Variants in CATSPERD observed in about 807,000 individuals in gnomAD.
CATSPERD encodes the protein catsper channel auxiliary subunit delta.
Under a neutral mutation model 98.1 loss-of-function variants are expected in CATSPERD, and 86 were observed. The ratio of observed to expected loss-of-function variants is 0.88; its 90% CI spans 0.74 to 1.05. The LOEUF (loss-of-function observed/expected upper bound fraction) is 1.05. Ranked by LOEUF, CATSPERD falls within the 50% of genes least tolerant of loss-of-function variation. The probability of loss-of-function intolerance (pLI) is 0.00; values close to 1 mark genes in which losing one functional copy is unlikely to be tolerated. For synonymous variants in CATSPERD, 394 were observed against 390.2 expected (o/e 1.01, Z -0.12); for missense variants, 995 against 1,005.7 (o/e 0.99, Z 0.14).
intron 10 of CATSPERD, among the ~76,000 whole-genome samples, chr19:5,748,541 G>C (rs1401485557): frequency 6.8e-6 from 1 of 146,000 alleles, no homozygotes; most frequent in African/African-American, 2.5e-5. Flanking sequence ...TGAGGCAGGA[G>C]AATCGCTGGA....
At chr19:5,746,093 C>T (rs750255698) in intron 9 of CATSPERD, 30 bp downstream of exon 9, 10 of 1,600,736 alleles carry the variant, frequency 6.2e-6, no homozygotes, top group East Asian at 4.6e-5. Flanking sequence ...GTGGGGCTGC[C>T]GCCTGGTGGC....
Position 5,757,873 on chromosome 19 carries a change from T to G in CATSPERD, c.1309T>G (p.Phe437Val), listed in dbSNP as rs2056356815. The G allele has an allele frequency of 6.2e-7, 1 of 1,612,966 alleles. No individual in the cohort carries two copies. Among genetic ancestry groups the G allele is most frequent in the Admixed American group, 1.7e-5 (1 of 59,862 alleles). The change falls in exon 14 of 22, where the codon TTC (phenylalanine) becomes GTC (valine). Residue 437 changes from phenylalanine to valine, a missense_variant. Physicochemically the swap from Phe to Val is conservative, Grantham distance 50. Coordinates refer to ENST00000381624, the MANE Select transcript of CATSPERD (RefSeq NM_152784.4). Reference protein sequence around the residue: ...VMVSNPHSLGFQATFYENGYT... With the variant: ...VMVSNPHSLGVQATFYENGYT... Reference sequence around the variant, plus strand: ...GGTGAGCAACCCCCACTCCCTGGGGTTCCAGGCCACCTTCTACGAGAACGG... The same window carrying G: ...GGTGAGCAACCCCCACTCCCTGGGGGTCCAGGCCACCTTCTACGAGAACGG...
At chr19:5,772,651 C>A in intron 19 of CATSPERD, 137 bp from the exon 20 acceptor site, 2 of 795,270 alleles carry the variant, frequency 2.5e-6, no homozygotes, top group Non-Finnish European at 4.0e-6. Context: ...CAGCTGGGAG[C>A]GGCAGGCGTC....
chr19:5,764,379 G>A (rs8108194), intron 16 of CATSPERD, among the ~76,000 whole-genome samples: 124,018 of 151,490 alleles, frequency 0.82, 51,004 homozygotes, highest in Non-Finnish European at 0.86. Context: ...GCAGTGGTGC[G>A]ATCTCGGCTC....
At chr19:5,739,978 T>A (rs1236676823) in intron 7 of CATSPERD, among the ~76,000 whole-genome samples, 1 of 152,040 alleles carries the variant, frequency 6.6e-6, no homozygotes, top group Admixed American at 6.6e-5. Context: ...ATTTAAGTAG[T>A]ACTTATAAAA....
At chr19:5,767,714 C>T (rs1418561581) in intron 17 of CATSPERD, among the ~76,000 whole-genome samples, 1 of 151,834 alleles carries the variant, frequency 6.6e-6, no homozygotes, top group Non-Finnish European at 1.5e-5. Context: ...GCCTCGGCCT[C>T]CCAAAGTGCT....
At chr19:5,724,894 A>G in intron 2 of CATSPERD, 32 bp downstream of exon 2, 1 of 1,606,932 alleles carries the variant, frequency 6.2e-7, no homozygotes, top group Non-Finnish European at 8.5e-7. Context: ...TTCATCCTTC[A>G]CTTTTGTCTA....
chr19:5,778,499 C>T lies in CATSPERD; in HGVS notation c.2220C>T (p.Ala740=), dbSNP rs1311003011. The part of the protein sequence containing the change: ...ISSILGSVWL[A]YKTPKLLRTA... ...GCATCCTGGGGTCCGTTTGGCTGGC[C>T]TACAAGACCCCCAAGCTGCTACGCA... The change falls in exon 22 of 22, where the codon GCC becomes GCT. Residue 740 remains alanine (A), a synonymous_variant. Coordinates refer to ENST00000381624, the MANE Select transcript of CATSPERD (RefSeq NM_152784.4). 8 of 1,613,924 alleles carry T rather than the reference C, an allele frequency of 5.0e-6. No homozygotes were observed. Among genetic ancestry groups the T allele is most frequent in the Non-Finnish European group, 5.9e-6 (7 of 1,180,054 alleles).
intron 8 of CATSPERD, among the ~76,000 whole-genome samples, chr19:5,745,511 C>G (rs374900034): frequency 9.2e-5 from 14 of 152,142 alleles, no homozygotes; most frequent in African/African-American, 3.4e-4. Context: ...ATCACAGCTA[C>G]TTGGGAGGCT....
chr19:5,767,502 T>C (rs1309117053), intron 17 of CATSPERD, among the ~76,000 whole-genome samples: 1 of 151,278 alleles, frequency 6.6e-6, no homozygotes, highest in Non-Finnish European at 1.5e-5. Flanking sequence ...TTATTATTAT[T>C]ATTGAGACGG....
intron 7 of CATSPERD, among the ~76,000 whole-genome samples, chr19:5,742,082 A>G (rs1034754204): frequency 1.3e-5 from 2 of 151,850 alleles, no homozygotes; most frequent in African/African-American, 4.8e-5. Context: ...AAGGAAACCT[A>G]GCATCACTAA....
At chr19:5,757,479 TA>T (rs1287847933) in intron 13 of CATSPERD, among the ~76,000 whole-genome samples, 1 of 151,508 alleles carries the variant, frequency 6.6e-6, no homozygotes. Flanking sequence ...GTATTTTTAG[TA>T]GAGATGGGGT....
rs2055861394 is a variant in CATSPERD, at chr19:5,737,062, CA to C, written c.392-72del. 8 of 982,810 alleles carry C rather than the reference CA, an allele frequency of 8.1e-6. No homozygotes were observed. The South Asian group carries it at 1.1e-4, about 14-fold the overall frequency. The allele number at this position is 982,810 out of a possible 1,614,324, so 60.9% of individuals were successfully genotyped here. A position where few individuals can be genotyped will look rare whatever the true frequency, so the allele number is the denominator to read the frequency against. On this transcript the variant is annotated intron_variant, in intron 5 of 21. Coordinates refer to ENST00000381624, the MANE Select transcript of CATSPERD (RefSeq NM_152784.4). ...ACAGAGCAAGACTCTGTCTCAAAAA[CA>C]AAACAAAAAACAAAAAACTTTTCTC...
At chr19:5,726,404 C>T (rs1336233689) in intron 2 of CATSPERD, among the ~76,000 whole-genome samples, 1 of 151,834 alleles carries the variant, frequency 6.6e-6, no homozygotes, top group Non-Finnish European at 1.5e-5. Flanking sequence ...CTTTTAGGGA[C>T]AGTGTATCTC....
rs187206810 is a variant in CATSPERD, at chr19:5,753,730, G to A, written c.1165-402G>A. ...TTAAAAAAAAAAAATTGAATTAGCC[G>A]GGCATGGTGGTGCACGCCTGTAGTC... is the stretch of plus-strand genomic sequence containing the variant. On this transcript the variant is annotated intron_variant, in intron 12 of 21. Transcript: ENST00000381624. The A allele has an allele frequency of 1.5e-4, 39 of 265,374 alleles. No individual in the cohort carries two copies. The East Asian group carries it at 1.7e-3, about 11-fold the overall frequency. 16.4% of individuals were successfully genotyped at this position (265,374 alleles called of 1,614,324 possible). A position where few individuals can be genotyped will look rare whatever the true frequency, so the allele number is the denominator to read the frequency against.
chr19:5,747,169 CTTTTTTT>C (rs748726369), intron 9 of CATSPERD, among the ~76,000 whole-genome samples: 4 of 105,772 alleles, frequency 3.8e-5, no homozygotes, highest in African/African-American at 7.6e-5. Context: ...AATGGTTTCC[CTTTTTTT>C]TTTTTTTTTT....
intron 18 of CATSPERD, among the ~76,000 whole-genome samples, chr19:5,769,527 T>C (rs1329857514): frequency 6.6e-6 from 1 of 152,014 alleles, no homozygotes; most frequent in Non-Finnish European, 1.5e-5. Context: ...ATCCAAACCA[T>C]ACGAAGACCC....
At chr19:5,747,604 T>C (rs1209695534) in intron 9 of CATSPERD, among the ~76,000 whole-genome samples, 2 of 136,450 alleles carry the variant, frequency 1.5e-5, no homozygotes, top group Non-Finnish European at 3.0e-5. Flanking sequence ...TTTTCTTTTT[T>C]CTTTTCTTTT....
intron 7 of CATSPERD, among the ~76,000 whole-genome samples, chr19:5,742,270 A>G (rs1452052071): frequency 4.9e-5 from 7 of 142,606 alleles, no homozygotes; most frequent in African/African-American, 1.3e-4. Context: ...GTGCGTGTGC[A>G]TGTGTGTACG....
Sources: allele counts gnomAD v4.1 joint callset (sites outside exome capture counted in the v4.1 genomes callset), GRCh38; gene constraint gnomAD v4.1.1; transcripts MANE v1.5; gene names NCBI Gene and HGNC (gene_info 2026-07-23, HGNC 2026-07-21).